LMNTD1: variants seen among roughly 807,000 people sequenced by gnomAD.
The protein encoded by LMNTD1 is lamin tail domain-containing protein 1.
Under a neutral mutation model 50.9 loss-of-function variants are expected in LMNTD1, and 35 were observed. That is an observed-to-expected ratio of 0.69 (90% confidence interval 0.53 to 0.91). The LOEUF (loss-of-function observed/expected upper bound fraction) is 0.91, where lower values mean the gene tolerates loss of function less well. Ranked by LOEUF, LMNTD1 falls within the 40% of genes least tolerant of loss-of-function variation. The probability of loss-of-function intolerance (pLI) is 0.00; values close to 1 mark genes in which losing one functional copy is unlikely to be tolerated. For missense variants in LMNTD1, 470 were observed against 475.5 expected (o/e 0.99, Z 0.11); for synonymous variants, 153 against 161.9 (o/e 0.94, Z 0.42).
chr12:25,536,530 G>T (rs954045879), intron 4 of LMNTD1, among the ~76,000 whole-genome samples: 1 of 152,114 alleles, frequency 6.6e-6, no homozygotes, highest in Non-Finnish European at 1.5e-5. Context: ...AAAGTATTTT[G>T]AACTGAATGA....
chr12:25,578,295 G>A (rs1177938625), intron 1 of LMNTD1, among the ~76,000 whole-genome samples: 1 of 152,116 alleles, frequency 6.6e-6, no homozygotes, highest in Non-Finnish European at 1.5e-5. Flanking sequence ...TGTATACGTG[G>A]GTGAAATACT....
chr12:25,623,715 T>G (rs1946526918), intron 1 of LMNTD1, among the ~76,000 whole-genome samples: 1 of 152,182 alleles, frequency 6.6e-6, no homozygotes, highest in African/African-American at 2.4e-5. Flanking sequence ...ATTGGATATC[T>G]GCTACCATCC....
chr12:25,638,644 T>A (rs1405037969), intron 1 of LMNTD1, among the ~76,000 whole-genome samples: 1 of 152,044 alleles, frequency 6.6e-6, no homozygotes, highest in Non-Finnish European at 1.5e-5. Flanking sequence ...GTAAAACTTG[T>A]GCTCTGGAAA....
chr12:25,544,173 A>C (rs1051943935), intron 4 of LMNTD1, among the ~76,000 whole-genome samples: 6 of 151,874 alleles, frequency 4.0e-5, no homozygotes, highest in Non-Finnish European at 8.8e-5. Context: ...TAGGATGTTA[A>C]AGTGCCCTAC....
rs1943616621 is a variant in LMNTD1 at position 25,549,307 on chromosome 12, G to A, written c.310+19C>T. The A allele has an allele frequency of 4.4e-6, 6 of 1,375,312 alleles. No individual in the cohort carries two copies. The highest frequency in any genetic ancestry group is 6.1e-6 in the Non-Finnish European group (6 of 975,894). 85.2% of individuals were successfully genotyped at this position (1,375,312 alleles called of 1,614,324 possible). On this transcript the variant is annotated intron_variant, in intron 3 of 9. Coordinates refer to ENST00000458174, the MANE Select transcript of LMNTD1 (RefSeq NM_001145728.2). ...GCTTTAAAAGTACTCTAAAAATATG[G>A]GTTCCATATTTTGCTTACCCAAGCT...
chr12:25,622,463 G>GCTC (rs1555124240), intron 1 of LMNTD1, among the ~76,000 whole-genome samples: 27 of 111,194 alleles, frequency 2.4e-4, no homozygotes, highest in African/African-American at 7.5e-4. Context: ...GAGTTTGTGA[G>GCTC]CCCGCCCCCC....
chr12:25,595,768 A>G (rs754831231), intron 1 of LMNTD1, among the ~76,000 whole-genome samples: 1 of 149,580 alleles, frequency 6.7e-6, no homozygotes. Context: ...CAACAGCAAC[A>G]AAAAATTACA....
intron 1 of LMNTD1, among the ~76,000 whole-genome samples, chr12:25,621,568 A>G (rs1946473508): frequency 6.6e-6 from 1 of 152,224 alleles, no homozygotes; most frequent in African/African-American, 2.4e-5. Flanking sequence ...AAACATGTTT[A>G]TATTATATCT....
At chr12:25,546,285 A>T (rs192059806) in intron 4 of LMNTD1, 89 bp downstream of exon 4, 361 of 672,700 alleles carry the variant, frequency 5.4e-4, no homozygotes, top group Admixed American at 1.4e-3. Flanking sequence ...AAAATAATGC[A>T]TATAACTACA....
chr12:25,496,701 G>A (rs1177392178), intron 9 of LMNTD1, among the ~76,000 whole-genome samples: 2 of 152,134 alleles, frequency 1.3e-5, no homozygotes, highest in African/African-American at 4.8e-5. Flanking sequence ...GGAAATACTA[G>A]CTATATTTTA....
chr12:25,496,029 T>TGA (rs1565940411), intron 9 of LMNTD1, among the ~76,000 whole-genome samples: 1 of 152,218 alleles, frequency 6.6e-6, no homozygotes, highest in African/African-American at 2.4e-5. Context: ...GAAATTTTCC[T>TGA]GAGATAACAC....
chr12:25,611,399 T>A (rs547074708), intron 1 of LMNTD1, among the ~76,000 whole-genome samples: 2 of 152,266 alleles, frequency 1.3e-5, no homozygotes, highest in South Asian at 4.2e-4. Context: ...TTGTTTAGAA[T>A]GGGAACATTT....
intron 1 of LMNTD1, among the ~76,000 whole-genome samples, chr12:25,619,264 ATATATATATATATATG>A (rs200187643): frequency 0.12 from 10,898 of 88,458 alleles, 575 homozygotes; most frequent in African/African-American, 0.26. Context: ...ATATATATAT[ATATATATATATATATG>A]TATAGCTAAC....
chr12:25,628,107 CAAAAAAAAAAAAA>C (rs58780549), intron 1 of LMNTD1, among the ~76,000 whole-genome samples: 3 of 52,452 alleles, frequency 5.7e-5, no homozygotes, highest in African/African-American at 1.7e-4. Flanking sequence ...AACTCCGTCT[CAAAAAAAAAAAAA>C]AAAAAAAAAA....
intron 1 of LMNTD1, among the ~76,000 whole-genome samples, chr12:25,562,099 C>G (rs1054856356): frequency 4.6e-5 from 7 of 152,258 alleles, no homozygotes; most frequent in Admixed American, 3.9e-4. Context: ...TAATTTGCCA[C>G]TCTGTGCCTT....
chr12:25,619,238 CTCTCTCTCTCTCTCTATA>C (rs1439798004), intron 1 of LMNTD1, among the ~76,000 whole-genome samples: 1 of 50,816 alleles, frequency 2.0e-5, no homozygotes, highest in Non-Finnish European at 4.0e-5. Context: ...CTCTCTCTCT[CTCTCTCTCTCTCTCTATA>C]TATATATATA....
At chr12:25,608,247 C>G (rs1471908250) in intron 1 of LMNTD1, among the ~76,000 whole-genome samples, 2 of 152,158 alleles carry the variant, frequency 1.3e-5, no homozygotes, top group Non-Finnish European at 2.9e-5. Context: ...AGATGGGTCT[C>G]CTGAATATAG....
chr12:25,510,252 T>C (rs7964448), intron 8 of LMNTD1, among the ~76,000 whole-genome samples: 13,204 of 152,058 alleles, frequency 0.087, 673 homozygotes, highest in African/African-American at 0.12. Context: ...TTTTTTTTTT[T>C]TGTCAGAAAA....
chr12:25,613,178 G>T (rs1303308373), intron 1 of LMNTD1, among the ~76,000 whole-genome samples: 1 of 152,214 alleles, frequency 6.6e-6, no homozygotes, highest in Non-Finnish European at 1.5e-5. Flanking sequence ...GAGAATAAAT[G>T]TCTGTTGTTT....
Sources: gnomAD v4.1 joint callset for allele counts (sites outside exome capture counted in the v4.1 genomes callset) on GRCh38, gnomAD v4.1.1 for gene constraint, MANE v1.5 for transcripts, NCBI Gene and HGNC (gene_info 2026-07-23, HGNC 2026-07-21) for gene names.